The following FLI1 variants were observed in gnomAD, a reference collection of about 807,000 sequenced individuals.
The protein encoded by FLI1 is Fli-1 proto-oncogene, ETS transcription factor.
In FLI1, 13 loss-of-function variants were observed where a neutral mutation model predicts 53.1. That is an observed-to-expected ratio of 0.24 (90% CI 0.16 to 0.39). The LOEUF (loss-of-function observed/expected upper bound fraction) is 0.39, where lower values mean the gene tolerates loss of function less well. FLI1 is among the 10% of genes least tolerant of loss of function. The pLI is 1.00. For missense variants in FLI1, 424 were observed against 600.5 expected, an observed-to-expected ratio of 0.71 and a Z score of 3.07; for synonymous variants, 244 against 236.7, an observed-to-expected ratio of 1.03 and a Z score of -0.28.
chr11:128,686,599 G>C (rs1865808133), exon 1 of FLI1: 1 of 397,690 alleles, frequency 2.5e-6, no homozygotes. Flanking sequence ...CTCCACTCGC[G>C]GGTAACCGAG....
chr11:128,714,996 C>T (rs905792018), intron 1 of FLI1, among the ~76,000 whole-genome samples: 5 of 152,076 alleles, frequency 3.3e-5, no homozygotes, highest in African/African-American at 9.7e-5. Context: ...GGTGAGCTAC[C>T]GCACCCGGCC....
chr11:128,727,216 C>G (rs1391912987), intron 1 of FLI1, among the ~76,000 whole-genome samples: 1 of 152,190 alleles, frequency 6.6e-6, no homozygotes, highest in Non-Finnish European at 1.5e-5. Flanking sequence ...CCAAGCCTCA[C>G]CTTCCTGAAC....
rs188047358 is a variant in FLI1, at chr11:128,798,979, T to G, written c.656-6387T>G. Among the ~76,000 whole-genome samples, 320 of 151,900 alleles carry G rather than the reference T, an allele frequency of 2.1e-3. 1 individual carries two copies. The highest frequency in any genetic ancestry group is 3.8e-3 in the Non-Finnish European group (261 of 67,958). On this transcript the variant is annotated intron_variant, in intron 5 of 8. Transcript: ENST00000527786. ...CTCAAACCAGGGTCCAGGATAATAA[T>G]CCACCTCTTCTTTTAAAAGAAAGCC... is the stretch of plus-strand genomic sequence containing the variant.
chr11:128,741,861 T>C (rs1024686129), intron 1 of FLI1, among the ~76,000 whole-genome samples: 6 of 152,174 alleles, frequency 3.9e-5, no homozygotes, highest in African/African-American at 1.2e-4. Flanking sequence ...GGTTGGTTTC[T>C]GGGATGCTGA....
In FLI1 at chr11:128,694,711, G is replaced by T. The variant is rs553242923; in HGVS notation, c.18+435G>T. ...CAGAGGCGGAACACGGCGGGGGCGG[G>T]GGCTGCAGTCGCCCGGGCTCGGGTC... On this transcript the variant is annotated intron_variant, in intron 1 of 8. Coordinates refer to ENST00000527786, the MANE Select transcript of FLI1 (RefSeq NM_002017.5). 1.9e-4 allele frequency among the ~76,000 whole-genome samples: 29 copies of T among 152,322 alleles called. No homozygotes were observed. In the East Asian group the frequency reaches 5.2e-3, roughly 27 times the overall value.
chr11:128,777,303 A>G (rs1024221399), intron 4 of FLI1, among the ~76,000 whole-genome samples: 1 of 150,400 alleles, frequency 6.6e-6, no homozygotes. Flanking sequence ...AAGTTTTACA[A>G]ACAAGTTCGT....
intron 4 of FLI1, among the ~76,000 whole-genome samples, chr11:128,780,974 A>C (rs1941897721): frequency 6.6e-6 from 1 of 152,246 alleles, no homozygotes; most frequent in African/African-American, 2.4e-5. Context: ...CACAAAATAC[A>C]ACCTTGAATT....
Position 128,773,059 on chromosome 11 carries a change from C to A in FLI1, c.589+74C>A. On this transcript the variant is annotated intron_variant, in intron 4 of 8. Transcript: ENST00000527786. The stretch of plus-strand genomic sequence containing the variant: ...CCAACCCAGGGAGAGGAAGTCAGTG[C>A]TGCCCGTTCGTGTTGGGCAGATGCC... The A allele has an allele frequency of 4.3e-6, 6 of 1,402,282 alleles. No homozygotes were observed. In the South Asian group the frequency reaches 4.7e-5, roughly 11 times the overall value. The allele number at this position is 1,402,282 out of a possible 1,614,324, so 86.9% of individuals were successfully genotyped here. A position where few individuals can be genotyped will look rare whatever the true frequency, so the allele number is the denominator to read the frequency against.
intron 1 of FLI1, among the ~76,000 whole-genome samples, chr11:128,703,610 C>T (rs141474111): frequency 2.0e-3 from 304 of 152,036 alleles, no homozygotes; most frequent in African/African-American, 6.9e-3. Flanking sequence ...TTTGGGAGGC[C>T]GAGGCTAGCA....
At chr11:128,768,001 G>A in intron 2 of FLI1, 117 bp from the exon 3 acceptor site, 1 of 846,304 alleles carries the variant, frequency 1.2e-6, no homozygotes, top group East Asian at 2.7e-5. Context: ...GACACCAAGT[G>A]TGGCCGGGCA....
chr11:128,764,827 G>C, intron 2 of FLI1: 4 of 1,592,448 alleles, frequency 2.5e-6, no homozygotes, highest in Non-Finnish European at 3.4e-6. Flanking sequence ...GCGAGGTATG[G>C]CTTTCCTTCT....
chr11:128,693,274 T>C (rs999658420), upstream of FLI1: 2 of 152,190 alleles, frequency 1.3e-5, no homozygotes, highest in African/African-American at 4.8e-5. Context: ...CTCCTAACAA[T>C]GCGCCCGGAA....
chr11:128,762,792 G>A (rs626655), intron 2 of FLI1, among the ~76,000 whole-genome samples: 56,907 of 151,764 alleles, frequency 0.37, 10,943 homozygotes, highest in East Asian at 0.6. Flanking sequence ...CCCTGTCTCT[G>A]CTGAAAATAC....
chr11:128,693,080 GT>G (rs999795184), upstream of FLI1: 1 of 152,758 alleles, frequency 6.5e-6, no homozygotes, highest in African/African-American at 2.4e-5. Context: ...GGTAGTGTCA[GT>G]TCCCTGGGGA....
At chr11:128,733,971 AT>A (rs1939804748) in intron 1 of FLI1, among the ~76,000 whole-genome samples, 1 of 152,232 alleles carries the variant, frequency 6.6e-6, no homozygotes, top group African/African-American at 2.4e-5. Context: ...AGAGCACATG[AT>A]TATGACCGGG....
At chr11:128,738,457 GC>G (rs1033991743) in intron 1 of FLI1, among the ~76,000 whole-genome samples, 1 of 152,196 alleles carries the variant, frequency 6.6e-6, no homozygotes, top group African/African-American at 2.4e-5. Flanking sequence ...CTCTCCAAAT[GC>G]TTCCAGGTGG....
At chr11:128,798,413 A>G (rs938852661) in intron 5 of FLI1, among the ~76,000 whole-genome samples, 1 of 152,226 alleles carries the variant, frequency 6.6e-6, no homozygotes, top group African/African-American at 2.4e-5. Flanking sequence ...TCACGTGGCC[A>G]TGGCAAGGCT....
intron 5 of FLI1, among the ~76,000 whole-genome samples, chr11:128,799,043 A>ATTTTTTTTTTTTTTTTTTTTTTTTTTTTT (rs1186555006): frequency 7.8e-6 from 1 of 128,668 alleles, no homozygotes; most frequent in African/African-American, 3.0e-5. Context: ...TATTATTATT[A>ATTTTTTTTTTTTTTTTTTTTTTTTTTTTT]TTATTATTAT....
At chr11:128,728,235 A>G (rs1367383376) in intron 1 of FLI1, among the ~76,000 whole-genome samples, 1 of 152,252 alleles carries the variant, frequency 6.6e-6, no homozygotes, top group Non-Finnish European at 1.5e-5. Context: ...GCCTTGGCCT[A>G]GGCAGTGCAC....
Sources: allele counts gnomAD v4.1 joint callset (sites outside exome capture counted in the v4.1 genomes callset), GRCh38; gene constraint gnomAD v4.1.1; transcripts MANE v1.5; gene names NCBI Gene and HGNC (gene_info 2026-07-23, HGNC 2026-07-21).